CDH13: variants seen among roughly 807,000 people sequenced by gnomAD.
CDH13 encodes cadherin 13, also known as cadherin-13.
A neutral mutation model predicts 63.8 loss-of-function variants in CDH13; 24 were observed. The observed-to-expected ratio is 0.38, with a 90% CI of 0.27 to 0.53. The LOEUF (loss-of-function observed/expected upper bound fraction) is 0.53. Among genes scored for constraint, CDH13 ranks in the 20% least tolerant of loss-of-function variants. CDH13 has a pLI of 0.85. For missense variants in CDH13, 1,049 were observed against 903.1 expected (o/e 1.16, Z -2.07); for synonymous variants, 503 against 355.3 (o/e 1.42, Z -4.67).
At chr16:83,022,589 C>G (rs937623802) in intron 2 of CDH13, among the ~76,000 whole-genome samples, 7 of 152,236 alleles carry the variant, frequency 4.6e-5, no homozygotes, top group African/African-American at 1.7e-4. Flanking sequence ...TCCTTCTCTT[C>G]TGTGTGTGCG....
chr16:83,164,783 A>C (rs2037591888), intron 4 of CDH13, among the ~76,000 whole-genome samples: 1 of 151,952 alleles, frequency 6.6e-6, no homozygotes, highest in South Asian at 2.1e-4. Flanking sequence ...TTCTGCCAGT[A>C]ATAGAGACTA....
chr16:83,107,032 A>G (rs1164553383), intron 3 of CDH13, among the ~76,000 whole-genome samples: 1 of 152,226 alleles, frequency 6.6e-6, no homozygotes, highest in South Asian at 2.1e-4. Context: ...ACAGACAGAC[A>G]GACACACACA....
At chr16:83,683,655 G>T (rs961569827) in intron 10 of CDH13, among the ~76,000 whole-genome samples, 6 of 152,078 alleles carry the variant, frequency 3.9e-5, no homozygotes, top group Non-Finnish European at 5.9e-5. Flanking sequence ...ACACTTGTTT[G>T]CAGTTTTTTA....
At chr16:83,247,723 T>G (rs758759434) in intron 5 of CDH13, among the ~76,000 whole-genome samples, 1 of 152,200 alleles carries the variant, frequency 6.6e-6, no homozygotes, top group Non-Finnish European at 1.5e-5. Flanking sequence ...TTCACCATCT[T>G]GGAGTCCACC....
chr16:82,929,651 CAAAAAAAAAAAAAA>C (rs71146097), intron 2 of CDH13, among the ~76,000 whole-genome samples: 119 of 44,278 alleles, frequency 2.7e-3, no homozygotes, highest in African/African-American at 0.015. Flanking sequence ...GACTCCATCT[CAAAAAAAAAAAAAA>C]AAAAAAAAAA....
intron 6 of CDH13, among the ~76,000 whole-genome samples, chr16:83,421,589 C>A (rs1182933571): frequency 6.6e-6 from 1 of 152,184 alleles, no homozygotes; most frequent in South Asian, 2.1e-4. Flanking sequence ...TCTTTTCTTC[C>A]ATCAGGAAAG....
At chr16:82,641,852 A>G (rs979045778) in intron 1 of CDH13, among the ~76,000 whole-genome samples, 5 of 152,198 alleles carry the variant, frequency 3.3e-5, no homozygotes, top group Non-Finnish European at 7.3e-5. Flanking sequence ...GAGACAATAA[A>G]AAAATGAACA....
At chr16:82,830,460 C>T (rs1013434586) in intron 1 of CDH13, among the ~76,000 whole-genome samples, 27 of 151,924 alleles carry the variant, frequency 1.8e-4, no homozygotes, top group Admixed American at 3.3e-4. Flanking sequence ...TAGTGCCTGG[C>T]ACAATGACCA....
intron 7 of CDH13, among the ~76,000 whole-genome samples, chr16:83,551,886 T>C (rs2075507096): frequency 1.3e-5 from 2 of 152,148 alleles, no homozygotes; most frequent in African/African-American, 4.8e-5. Flanking sequence ...AATTACTTAA[T>C]GTTAGTTGAA....
chr16:83,356,986 T>A (rs1406561232), intron 6 of CDH13, among the ~76,000 whole-genome samples: 2 of 152,192 alleles, frequency 1.3e-5, no homozygotes, highest in Non-Finnish European at 2.9e-5. Context: ...TTTCCACTTT[T>A]CTTTAGTGTG....
At chr16:83,377,666 C>G (rs1412239384) in intron 6 of CDH13, among the ~76,000 whole-genome samples, 1 of 152,312 alleles carries the variant, frequency 6.6e-6, no homozygotes, top group East Asian at 1.9e-4. Flanking sequence ...AAGGCTCCAA[C>G]CAGTGAGCTT....
chr16:82,912,698 C>G (rs867996151), intron 2 of CDH13, among the ~76,000 whole-genome samples: 2 of 152,196 alleles, frequency 1.3e-5, no homozygotes, highest in African/African-American at 4.8e-5. Context: ...AATCCCAGCA[C>G]TTTGGGAGGC....
At chr16:83,531,887 G>A (rs2075091454) in intron 7 of CDH13, among the ~76,000 whole-genome samples, 2 of 152,136 alleles carry the variant, frequency 1.3e-5, no homozygotes, top group South Asian at 4.1e-4. Context: ...TAATTTGTTA[G>A]GGCAGTCACA....
intron 11 of CDH13, among the ~76,000 whole-genome samples, chr16:83,752,230 G>A (rs1179677463): frequency 6.6e-6 from 1 of 152,204 alleles, no homozygotes; most frequent in Non-Finnish European, 1.5e-5. Flanking sequence ...ATTTCTTTGT[G>A]AAATTTTTTG....
At chr16:82,667,334 A>G (rs994678168) in intron 1 of CDH13, among the ~76,000 whole-genome samples, 1 of 152,208 alleles carries the variant, frequency 6.6e-6, no homozygotes, top group African/African-American at 2.4e-5. Context: ...AGGCTTGCGA[A>G]GGCGCGTACT....
chr16:83,248,753 G>C (rs958567110), intron 5 of CDH13, among the ~76,000 whole-genome samples: 1 of 151,780 alleles, frequency 6.6e-6, no homozygotes, highest in Non-Finnish European at 1.5e-5. Context: ...TTCTCATTAT[G>C]TTCCCTCACA....
chr16:83,052,649 G>T (rs2030468753), intron 3 of CDH13, among the ~76,000 whole-genome samples: 1 of 151,786 alleles, frequency 6.6e-6, no homozygotes, highest in Non-Finnish European at 1.5e-5. Context: ...GCATGGTGGT[G>T]CGCGCCTTTA....
intron 2 of CDH13, among the ~76,000 whole-genome samples, chr16:83,017,696 C>T (rs1047756144): frequency 1.3e-5 from 2 of 152,132 alleles, no homozygotes; most frequent in Non-Finnish European, 2.9e-5. Flanking sequence ...ACTATTAGGG[C>T]TCTGTACTAT....
intron 8 of CDH13, among the ~76,000 whole-genome samples, chr16:83,632,294 G>A (rs570540175): frequency 4.1e-4 from 20 of 48,504 alleles, no homozygotes; most frequent in African/African-American, 1.3e-3. Flanking sequence ...AATTAGAGAT[G>A]ACTCCTAATT....
Sources: allele counts gnomAD v4.1 joint callset (sites outside exome capture counted in the v4.1 genomes callset), GRCh38; gene constraint gnomAD v4.1.1; transcripts MANE v1.5; gene names NCBI Gene and HGNC (gene_info 2026-07-23, HGNC 2026-07-21).